Variants in SPARC observed in about 807,000 individuals in gnomAD.
The protein encoded by SPARC is secreted protein acidic and cysteine rich.
A neutral mutation model predicts 37.7 loss-of-function variants in SPARC; 23 were observed. That is an observed-to-expected ratio of 0.61 (90% CI 0.44 to 0.87). The LOEUF is 0.87. Among genes scored for constraint, SPARC ranks in the 40% least tolerant of loss-of-function variants. The pLI is 0.00. For synonymous variants in SPARC, 155 were observed against 150.8 expected, an observed-to-expected ratio of 1.03 and a Z score of -0.20; for missense variants, 312 against 389.0, an observed-to-expected ratio of 0.80 and a Z score of 1.66.
At position 151,663,389 on chromosome 5, in the gene SPARC, A is replaced by G. The variant is rs190475472; in HGVS notation, c.*182T>C. ...GAAAAGGCCTTAATAGTTAAGTTAC[A>G]GCTAAGAATGTCATGTCTTGGGTTA... On this transcript the variant is annotated 3_prime_UTR_variant, in exon 10 of 10. Transcript: ENST00000231061. 3.1e-6 allele frequency: 2 copies of G among 637,780 alleles called. No individual in the cohort carries two copies. The highest frequency in any genetic ancestry group is 2.7e-5 in the East Asian group (1 of 37,610). 39.5% of individuals were successfully genotyped at this position (637,780 alleles called of 1,614,324 possible). A position where few individuals can be genotyped will look rare whatever the true frequency, so the allele number is the denominator to read the frequency against.
At chr5:151,682,931 A>G (rs1761030087) in intron 1 of SPARC, among the ~76,000 whole-genome samples, 1 of 152,226 alleles carries the variant, frequency 6.6e-6, no homozygotes, top group African/African-American at 2.4e-5. Context: ...TTTTCCTTGC[A>G]GACATAAAGT....
chr5:151,666,331 C>T, intron 8 of SPARC, 30 bp downstream of exon 8: 1 of 1,602,424 alleles, frequency 6.2e-7, no homozygotes, highest in Non-Finnish European at 8.5e-7. Context: ...CAGCCTTGAG[C>T]TCTGTTCACT....
At chr5:151,684,283 T>G (rs1761076778) in intron 1 of SPARC, among the ~76,000 whole-genome samples, 1 of 152,174 alleles carries the variant, frequency 6.6e-6, no homozygotes, top group South Asian at 2.1e-4. Context: ...GATTTAGGTT[T>G]ATAGGACTTC....
intron 7 of SPARC, among the ~76,000 whole-genome samples, chr5:151,666,748 C>T (rs929963263): frequency 1.2e-4 from 19 of 152,206 alleles, no homozygotes; most frequent in African/African-American, 3.4e-4. Context: ...TGGCGAAGGC[C>T]GGGCACACAC....
intron 7 of SPARC, among the ~76,000 whole-genome samples, chr5:151,666,889 G>A (rs1189553280): frequency 6.6e-6 from 1 of 152,142 alleles, no homozygotes; most frequent in African/African-American, 2.4e-5. Context: ...AGCCAGGTGT[G>A]GTAGCATGCC....
chr5:151,674,236 C>T (rs1018782134), intron 3 of SPARC, among the ~76,000 whole-genome samples: 1 of 152,106 alleles, frequency 6.6e-6, no homozygotes, highest in African/African-American at 2.4e-5. Context: ...TGGTCTTGAA[C>T]TCCTGACCTC....
At chr5:151,675,054 A>G (rs992540049) in intron 2 of SPARC, among the ~76,000 whole-genome samples, 5 of 152,232 alleles carry the variant, frequency 3.3e-5, no homozygotes, top group African/African-American at 1.2e-4. Flanking sequence ...ATTTTAACAG[A>G]TGTCATCATC....
At chr5:151,682,372 A>T (rs1761014832) in intron 1 of SPARC, among the ~76,000 whole-genome samples, 1 of 152,340 alleles carries the variant, frequency 6.6e-6, no homozygotes, top group Non-Finnish European at 1.5e-5. Flanking sequence ...CCGCTGCTGC[A>T]TTGTGGTGAC....
chr5:151,679,800 G>A (rs1760943201), intron 1 of SPARC: 2 of 152,158 alleles, frequency 1.3e-5, no homozygotes, highest in South Asian at 4.1e-4. Flanking sequence ...GGCTCTCCTT[G>A]GACGTTAAAA....
intron 5 of SPARC, 70 bp from the exon 6 acceptor site, chr5:151,669,854 C>A: frequency 6.3e-7 from 1 of 1,581,686 alleles, no homozygotes; most frequent in South Asian, 1.1e-5. Context: ...TATCCTTGTC[C>A]ATTTCAGAGA....
At chr5:151,676,101 A>C (rs756489069) in intron 2 of SPARC, 31 bp downstream of exon 2, 1 of 1,593,636 alleles carries the variant, frequency 6.3e-7, no homozygotes, top group Middle Eastern at 1.7e-4. Context: ...GTAGGAATGA[A>C]AACAAGAAGA....
intron 2 of SPARC, 84 bp from the exon 3 acceptor site, chr5:151,674,758 G>A (rs1581526550): frequency 1.5e-6 from 2 of 1,341,014 alleles, no homozygotes; most frequent in East Asian, 2.3e-5. Context: ...TCGGATACAG[G>A]CTAGGGGAGC....
chr5:151,665,497 GGAA>G (rs1268575737), intron 8 of SPARC, among the ~76,000 whole-genome samples: 2 of 152,206 alleles, frequency 1.3e-5, no homozygotes, highest in African/African-American at 4.8e-5. Flanking sequence ...ATCCTAGAGA[GGAA>G]GTTCCCTGAG....
chr5:151,668,037 C>T (rs1176127199), intron 6 of SPARC, among the ~76,000 whole-genome samples: 4 of 152,218 alleles, frequency 2.6e-5, no homozygotes, highest in Non-Finnish European at 4.4e-5. Context: ...ACCACCAGAA[C>T]CTTCTTAGAA....
rs754098826 is a variant in SPARC at position 151,675,855 on chromosome 5, A to ATT, written c.57+275_57+276dup. On this transcript the variant is annotated intron_variant, in intron 2 of 9. Coordinates refer to ENST00000231061, the MANE Select transcript of SPARC (RefSeq NM_003118.4). ...GAATTCCTCATATGACAAAGAGGTCATTTCCTTCTAAAGCAATCCTAGTTC... is the reference window on the plus strand; with the variant it reads ...GAATTCCTCATATGACAAAGAGGTCATTTTTCCTTCTAAAGCAATCCTAGTTC... Among the ~76,000 whole-genome samples, 209 of 152,260 alleles carry ATT rather than the reference A, an allele frequency of 1.4e-3. 1 individual carries two copies. Among genetic ancestry groups the ATT allele is most frequent in the Middle Eastern group, 3.4e-3 (1 of 294 alleles).
At chr5:151,675,514 C>T (rs1440304500) in intron 2 of SPARC, among the ~76,000 whole-genome samples, 1 of 152,182 alleles carries the variant, frequency 6.6e-6, no homozygotes, top group African/African-American at 2.4e-5. Context: ...TTATAAAAAC[C>T]TTCTTGGCAC....
At chr5:151,674,758 G>T in intron 2 of SPARC, 84 bp from the exon 3 acceptor site, 1 of 1,341,008 alleles carries the variant, frequency 7.5e-7, no homozygotes, top group Non-Finnish European at 1.1e-6. Context: ...TCGGATACAG[G>T]CTAGGGGAGC....
chr5:151,671,870 G>A (rs915579150), intron 4 of SPARC, 176 bp from the exon 5 acceptor site: 2 of 728,276 alleles, frequency 2.7e-6, no homozygotes, highest in African/African-American at 3.8e-5. Context: ...ATTTAGGGCA[G>A]CAGCTGGTTC....
intron 1 of SPARC, chr5:151,677,028 T>C (rs1186538526): frequency 6.6e-6 from 1 of 152,258 alleles, no homozygotes; most frequent in African/African-American, 2.4e-5. Context: ...AGCTGAGATC[T>C]AGAAAATACC....
Sources: gnomAD v4.1 joint callset for allele counts (sites outside exome capture counted in the v4.1 genomes callset) on GRCh38, gnomAD v4.1.1 for gene constraint, MANE v1.5 for transcripts, NCBI Gene and HGNC (gene_info 2026-07-23, HGNC 2026-07-21) for gene names.